Variants in ERBB4 observed in about 807,000 individuals in gnomAD.
The protein encoded by ERBB4 is erb-b2 receptor tyrosine kinase 4.
ERBB4 carries 42 observed loss-of-function variants against 158.0 expected under a neutral mutation model. The ratio of observed to expected loss-of-function variants is 0.27; its 90% CI spans 0.21 to 0.34. The LOEUF is 0.34. Among genes scored for constraint, ERBB4 ranks in the 10% least tolerant of loss-of-function variants. The pLI is 1.00. For synonymous variants in ERBB4, 583 were observed against 558.7 expected (o/e 1.04, Z -0.61); for missense variants, 1,333 against 1,624.1 (o/e 0.82, Z 3.08).
At chr2:212,481,108 G>A (rs908711072) in intron 1 of ERBB4, among the ~76,000 whole-genome samples, 1 of 151,794 alleles carries the variant, frequency 6.6e-6, no homozygotes, top group Non-Finnish European at 1.5e-5. Context: ...TGAGTTATAG[G>A]TATTGTATTA....
intron 3 of ERBB4, among the ~76,000 whole-genome samples, chr2:211,917,726 TAAAG>T (rs2079737896): frequency 6.6e-6 from 1 of 152,106 alleles, no homozygotes; most frequent in South Asian, 2.1e-4. Flanking sequence ...GGAGCCGTAA[TAAAG>T]AGAGAGAAAG....
chr2:211,801,420 A>T (rs1357046120), intron 3 of ERBB4, among the ~76,000 whole-genome samples: 1 of 152,144 alleles, frequency 6.6e-6, no homozygotes, highest in Non-Finnish European at 1.5e-5. Context: ...ATAGTTAAAA[A>T]TATTCATCTT....
At chr2:212,125,684 C>T (rs2079902351) in intron 1 of ERBB4, among the ~76,000 whole-genome samples, 1 of 152,178 alleles carries the variant, frequency 6.6e-6, no homozygotes, top group South Asian at 2.1e-4. Flanking sequence ...GTTTTCTGTT[C>T]CTGCTTTAGT....
At chr2:211,919,804 C>A (rs1575377899) in intron 3 of ERBB4, among the ~76,000 whole-genome samples, 1 of 152,014 alleles carries the variant, frequency 6.6e-6, no homozygotes, top group South Asian at 2.1e-4. Context: ...CCGAGGCAGG[C>A]AATTCAATAT....
chr2:211,796,326 T>C (rs1163433733), intron 3 of ERBB4, among the ~76,000 whole-genome samples: 2 of 152,016 alleles, frequency 1.3e-5, no homozygotes, highest in South Asian at 2.1e-4. Context: ...TTTATTTTCA[T>C]TGTTGTGTGG....
intron 20 of ERBB4, among the ~76,000 whole-genome samples, chr2:211,488,683 A>G (rs1424198951): frequency 6.6e-6 from 1 of 152,096 alleles, no homozygotes; most frequent in Non-Finnish European, 1.5e-5. Flanking sequence ...TTACCTGAAA[A>G]GGAAAGTAGT....
chr2:211,567,488 G>A (rs571972022), intron 19 of ERBB4, among the ~76,000 whole-genome samples: 1 of 152,218 alleles, frequency 6.6e-6, no homozygotes, highest in East Asian at 1.9e-4. Flanking sequence ...TTTACTGAGG[G>A]TAGTATTTGA....
At chr2:211,455,220 C>T (rs893783683) in intron 20 of ERBB4, among the ~76,000 whole-genome samples, 2 of 152,188 alleles carry the variant, frequency 1.3e-5, no homozygotes, top group African/African-American at 4.8e-5. Context: ...GTGTGTGAAA[C>T]ACAAAATTTA....
At chr2:211,442,196 T>A (rs757911867) in intron 20 of ERBB4, among the ~76,000 whole-genome samples, 1 of 152,050 alleles carries the variant, frequency 6.6e-6, no homozygotes, top group African/African-American at 2.4e-5. Context: ...TTCCTTTATC[T>A]GGAACACCCC....
chr2:211,503,314 G>A lies in ERBB4; in HGVS notation c.2487+58589C>T, dbSNP rs1490613634. Among the ~76,000 whole-genome samples, 7 of 152,170 alleles carry A rather than the reference G, an allele frequency of 4.6e-5. No individual in the cohort carries two copies. In the South Asian group the frequency reaches 1.5e-3, roughly 32 times the overall value. On this transcript the variant is annotated intron_variant, in intron 20 of 27. Coordinates refer to ENST00000342788, the MANE Select transcript of ERBB4 (RefSeq NM_005235.3). Reference sequence around the variant, plus strand: ...GCGGCTGCAGCTCCTGCTGTCTGCCGAGCCAGGATAGAACTGAGCTGGCCA... The same window carrying A: ...GCGGCTGCAGCTCCTGCTGTCTGCCAAGCCAGGATAGAACTGAGCTGGCCA...
chr2:212,440,353 T>A (rs2092227560), intron 1 of ERBB4, among the ~76,000 whole-genome samples: 1 of 152,190 alleles, frequency 6.6e-6, no homozygotes, highest in Admixed American at 6.5e-5. Context: ...AGGCTACAAC[T>A]TTCTCCCATG....
intron 1 of ERBB4, among the ~76,000 whole-genome samples, chr2:212,261,752 T>C (rs2084953180): frequency 6.6e-6 from 1 of 152,234 alleles, no homozygotes; most frequent in Admixed American, 6.5e-5. Flanking sequence ...TAATCTTATT[T>C]CTCAAGAGAA....
rs550702305 is a variant in ERBB4 at position 211,848,259 on chromosome 2, C to T, written c.422-60100G>A. ...GTATAAAGTTTGTACCACCTTGTGT[C>T]ATCTGTGGGATAGGCCACATCCAGA... On this transcript the variant is annotated intron_variant, in intron 3 of 27. Coordinates refer to ENST00000342788, the MANE Select transcript of ERBB4 (RefSeq NM_005235.3). 3.9e-5 allele frequency among the ~76,000 whole-genome samples: 6 copies of T among 152,190 alleles called. 1 individual carries two copies. The South Asian group carries it at 1.2e-3, about 32-fold the overall frequency.
intron 3 of ERBB4, among the ~76,000 whole-genome samples, chr2:211,924,602 G>C (rs1305309746): frequency 6.6e-6 from 1 of 152,096 alleles, no homozygotes; most frequent in Non-Finnish European, 1.5e-5. Context: ...ATTATGTTTA[G>C]AGGGTGAAAC....
At chr2:211,811,151 C>T (rs1455890881) in intron 3 of ERBB4, among the ~76,000 whole-genome samples, 1 of 152,146 alleles carries the variant, frequency 6.6e-6, no homozygotes, top group African/African-American at 2.4e-5. Flanking sequence ...GTGGCTCGTA[C>T]TGGTTGTTCC....
At chr2:211,744,341 G>A (rs752874736) in intron 5 of ERBB4, among the ~76,000 whole-genome samples, 5 of 152,144 alleles carry the variant, frequency 3.3e-5, no homozygotes, top group Non-Finnish European at 7.4e-5. Flanking sequence ...AGATTTTACT[G>A]AAATTTCTGT....
intron 2 of ERBB4, among the ~76,000 whole-genome samples, chr2:212,114,110 T>C (rs769431354): frequency 6.6e-5 from 10 of 152,222 alleles, no homozygotes; most frequent in Non-Finnish European, 1.5e-4. Flanking sequence ...CTTTGTCTGG[T>C]ACTTGTTATT....
In ERBB4 at chr2:212,342,689, T is replaced by C. The variant is rs112077036; in HGVS notation, c.82+195760A>G. Among the ~76,000 whole-genome samples, 11 of 152,308 alleles carry C rather than the reference T, an allele frequency of 7.2e-5. 1 individual carries two copies. Among genetic ancestry groups the C allele is most frequent in the African/African-American group, 2.6e-4 (11 of 41,564 alleles). On this transcript the variant is annotated intron_variant, in intron 1 of 27. Coordinates refer to ENST00000342788, the MANE Select transcript of ERBB4 (RefSeq NM_005235.3). Reference sequence around the variant, plus strand: ...CCAACAGTAATTACTCATACCTGATTATCCCAAATATTATCATAACAAGCA... The same window carrying C: ...CCAACAGTAATTACTCATACCTGATCATCCCAAATATTATCATAACAAGCA...
chr2:212,502,296 A>C (rs1560496192), intron 1 of ERBB4, among the ~76,000 whole-genome samples: 1 of 152,204 alleles, frequency 6.6e-6, no homozygotes, highest in Non-Finnish European at 1.5e-5. Flanking sequence ...AAAGTGTATT[A>C]CTTAACAATA....
Sources: allele counts gnomAD v4.1 joint callset (sites outside exome capture counted in the v4.1 genomes callset), GRCh38; gene constraint gnomAD v4.1.1; transcripts MANE v1.5; gene names NCBI Gene and HGNC (gene_info 2026-07-23, HGNC 2026-07-21).